SOX5: variants seen among roughly 807,000 people sequenced by gnomAD.
SOX5 encodes the protein SRY-box transcription factor 5.
In SOX5, 9 loss-of-function variants were observed where a neutral mutation model predicts 92.0. The observed-to-expected ratio is 0.10, with a 90% CI of 0.06 to 0.17. The LOEUF (loss-of-function observed/expected upper bound fraction) is 0.17. Among genes scored for constraint, SOX5 ranks in the 10% least tolerant of loss-of-function variants. SOX5 has a pLI of 1.00. For missense variants in SOX5, 642 were observed against 944.5 expected, an observed-to-expected ratio of 0.68 and a Z score of 4.20; for synonymous variants, 344 against 336.3, an observed-to-expected ratio of 1.02 and a Z score of -0.25.
chr12:23,841,936 G>A (rs1450369158), intron 3 of SOX5, among the ~76,000 whole-genome samples: 1 of 150,836 alleles, frequency 6.6e-6, no homozygotes, highest in African/African-American at 2.4e-5. Context: ...ACATATAAAT[G>A]TATAATACAA....
intron 3 of SOX5, among the ~76,000 whole-genome samples, chr12:24,258,307 AAAGT>A (rs975249367): frequency 4.6e-5 from 7 of 152,140 alleles, no homozygotes; most frequent in East Asian, 1.9e-4. Flanking sequence ...ACAAACAAAC[AAAGT>A]GAGTTACATG....
intron 4 of SOX5, among the ~76,000 whole-genome samples, chr12:24,047,681 C>T (rs779541152): frequency 2.0e-5 from 3 of 152,192 alleles, no homozygotes; most frequent in East Asian, 1.9e-4. Flanking sequence ...GCAAATACCT[C>T]GGCTTTACAC....
chr12:23,845,936 T>C (rs1170271396), intron 3 of SOX5, 47 bp downstream of exon 3: 1 of 1,425,266 alleles, frequency 7.0e-7, no homozygotes. Context: ...ATCAAAGTAT[T>C]AAAATCAGGA....
chr12:24,097,269 C>G (rs1428436749), intron 4 of SOX5, among the ~76,000 whole-genome samples: 1 of 152,118 alleles, frequency 6.6e-6, no homozygotes, highest in South Asian at 2.1e-4. Context: ...TATTTAATAA[C>G]AGTAGACTTA....
At chr12:24,351,360 A>G (rs1355189996) in intron 2 of SOX5, among the ~76,000 whole-genome samples, 1 of 152,224 alleles carries the variant, frequency 6.6e-6, no homozygotes, top group African/African-American at 2.4e-5. Context: ...ACAGACACGT[A>G]AATTATCGAA....
At chr12:23,979,514 G>A (rs777579401) in intron 4 of SOX5, among the ~76,000 whole-genome samples, 9 of 151,514 alleles carry the variant, frequency 5.9e-5, no homozygotes, top group Admixed American at 1.3e-4. Context: ...GTGAGCCACC[G>A]CACCTGGCCC....
chr12:23,673,534 A>G (rs2085143208), intron 6 of SOX5, among the ~76,000 whole-genome samples: 1 of 152,196 alleles, frequency 6.6e-6, no homozygotes, highest in Admixed American at 6.5e-5. Flanking sequence ...AGTGACCAAC[A>G]TGAAATATAA....
intron 3 of SOX5, among the ~76,000 whole-genome samples, chr12:23,821,131 G>A (rs934612452): frequency 2.6e-5 from 4 of 152,144 alleles, no homozygotes; most frequent in Admixed American, 2.0e-4. Context: ...CCTTGAAGAG[G>A]TCCATCACAT....
chr12:24,445,043 A>C (rs929415139), intron 1 of SOX5, among the ~76,000 whole-genome samples: 2 of 152,238 alleles, frequency 1.3e-5, no homozygotes, highest in African/African-American at 4.8e-5. Context: ...TGAGATAGTA[A>C]CTGATTCCAC....
intron 1 of SOX5, among the ~76,000 whole-genome samples, chr12:23,897,990 A>G (rs1020394458): frequency 2.0e-5 from 3 of 152,208 alleles, no homozygotes; most frequent in Non-Finnish European, 4.4e-5. Flanking sequence ...GAGTTAACAA[A>G]GCCAGAATAG....
At chr12:23,574,204 T>G (rs189485923) in intron 10 of SOX5, among the ~76,000 whole-genome samples, 24 of 152,150 alleles carry the variant, frequency 1.6e-4, no homozygotes, top group Non-Finnish European at 2.5e-4. Context: ...ACACACAGCC[T>G]TTTTTGGTGG....
chr12:23,726,431 A>T (rs1022856584), intron 6 of SOX5, among the ~76,000 whole-genome samples: 1 of 152,114 alleles, frequency 6.6e-6, no homozygotes, highest in Non-Finnish European at 1.5e-5. Flanking sequence ...ATTCATTCTA[A>T]AGACTTTGTG....
At chr12:24,126,642 T>C (rs1427055096) in intron 4 of SOX5, among the ~76,000 whole-genome samples, 1 of 152,232 alleles carries the variant, frequency 6.6e-6, no homozygotes, top group Non-Finnish European at 1.5e-5. Flanking sequence ...TGTCTCATAA[T>C]GTAAACCCGA....
At chr12:24,075,250 A>G (rs1942404322) in intron 4 of SOX5, among the ~76,000 whole-genome samples, 1 of 147,154 alleles carries the variant, frequency 6.8e-6, no homozygotes, top group Non-Finnish European at 1.5e-5. Context: ...GCCTGGGGCA[A>G]GAGAGTAAGA....
At chr12:23,977,470 G>A (rs1949044288) in intron 4 of SOX5, among the ~76,000 whole-genome samples, 1 of 152,124 alleles carries the variant, frequency 6.6e-6, no homozygotes, top group Admixed American at 6.5e-5. Context: ...AGGAGTTCAA[G>A]GTGAGCCTGG....
chr12:24,212,518 G>T, intron 4 of SOX5: 1 of 528,082 alleles, frequency 1.9e-6, no homozygotes, highest in Non-Finnish European at 3.9e-6. Context: ...AGGAAGGAAG[G>T]ATTACAAGGA....
At chr12:23,704,699 T>TATATATATATATATATATATATAC (rs2091134877) in intron 6 of SOX5, among the ~76,000 whole-genome samples, 1 of 109,866 alleles carries the variant, frequency 9.1e-6, no homozygotes, top group African/African-American at 3.3e-5. Flanking sequence ...TATATATATA[T>TATATATATATATATATATATATAC]ATATATATAT....
At chr12:24,156,963 C>T (rs146515251) in intron 4 of SOX5, among the ~76,000 whole-genome samples, 21 of 152,172 alleles carry the variant, frequency 1.4e-4, no homozygotes, top group Middle Eastern at 3.4e-3. Flanking sequence ...AGTTATAGGA[C>T]ATATTCTGTT....
At chr12:24,082,670 T>A (rs12371300) in intron 4 of SOX5, among the ~76,000 whole-genome samples, 26 of 151,776 alleles carry the variant, frequency 1.7e-4, no homozygotes, top group Admixed American at 1.7e-3. Flanking sequence ...TTTCTACAGA[T>A]AATGAGAAGA....
Sources: allele counts gnomAD v4.1 joint callset (sites outside exome capture counted in the v4.1 genomes callset), GRCh38; gene constraint gnomAD v4.1.1; transcripts MANE v1.5; gene names NCBI Gene and HGNC (gene_info 2026-07-23, HGNC 2026-07-21).